SCFD2: variants seen among roughly 807,000 people sequenced by gnomAD.
The protein encoded by SCFD2 is sec1 family domain containing 2, also known as sec1 family domain-containing protein 2.
A neutral mutation model predicts 58.9 loss-of-function variants in SCFD2; 54 were observed. The ratio of observed to expected loss-of-function variants is 0.92; its 90% confidence interval spans 0.74 to 1.15. The LOEUF is 1.15. Ranked by LOEUF, SCFD2 falls within the 50% of genes most tolerant of loss-of-function variation. The pLI, the probability that SCFD2 is intolerant of heterozygous loss-of-function variation, is 0.00. For missense variants in SCFD2, 805 were observed against 836.6 expected (o/e 0.96, Z 0.47); for synonymous variants, 321 against 335.9 (o/e 0.96, Z 0.49).
intron 7 of SCFD2, among the ~76,000 whole-genome samples, chr4:52,900,671 C>A (rs1234702255): frequency 6.6e-6 from 1 of 152,216 alleles, no homozygotes; most frequent in Non-Finnish European, 1.5e-5. Context: ...TCAAAGCTGT[C>A]AGACAGGGAC....
At chr4:53,199,346 TGA>T (rs1484044843) in intron 4 of SCFD2, among the ~76,000 whole-genome samples, 1 of 152,114 alleles carries the variant, frequency 6.6e-6, no homozygotes, top group Non-Finnish European at 1.5e-5. Context: ...TCTGATCGAA[TGA>T]GAGGGGAGAT....
At chr4:53,359,282 A>T (rs6554095) in intron 1 of SCFD2, among the ~76,000 whole-genome samples, 123,661 of 152,130 alleles carry the variant, frequency 0.81, 50,410 homozygotes, top group Middle Eastern at 0.85. Context: ...TAGTAAATTA[A>T]CAAGGCTAGC....
chr4:53,068,091 A>G (rs1723714097), intron 5 of SCFD2, among the ~76,000 whole-genome samples: 1 of 152,078 alleles, frequency 6.6e-6, no homozygotes, highest in Non-Finnish European at 1.5e-5. Context: ...TAACATGTTA[A>G]CTGACATCAC....
chr4:53,138,499 T>A (rs1726009057), intron 5 of SCFD2, among the ~76,000 whole-genome samples: 1 of 152,232 alleles, frequency 6.6e-6, no homozygotes, highest in Admixed American at 6.5e-5. Flanking sequence ...GATACTCTCT[T>A]AGAACTTAGC....
chr4:53,144,320 ATGTGTGTATATATG>A (rs960981333), intron 5 of SCFD2, among the ~76,000 whole-genome samples: 20 of 151,120 alleles, frequency 1.3e-4, no homozygotes, highest in Admixed American at 1.3e-3. Context: ...TATGTAATAT[ATGTGTGTATATATG>A]TGTGTGTATA....
chr4:52,882,751 T>G (rs1219108765), intron 8 of SCFD2, among the ~76,000 whole-genome samples: 1 of 152,218 alleles, frequency 6.6e-6, no homozygotes, highest in Non-Finnish European at 1.5e-5. Flanking sequence ...GACGGCCTAT[T>G]GTGAGACCTC....
At chr4:52,882,071 G>A (rs1718625419) in intron 8 of SCFD2, among the ~76,000 whole-genome samples, 1 of 152,088 alleles carries the variant, frequency 6.6e-6, no homozygotes, top group South Asian at 2.1e-4. Context: ...TCCACACCAA[G>A]GTTTGGCTTT....
At chr4:53,124,276 A>G (rs562700359) in intron 5 of SCFD2, among the ~76,000 whole-genome samples, 2 of 152,326 alleles carry the variant, frequency 1.3e-5, no homozygotes, top group East Asian at 3.9e-4. Flanking sequence ...CCACTTATAT[A>G]GGCAAATTAA....
intron 4 of SCFD2, among the ~76,000 whole-genome samples, chr4:53,254,065 G>C (rs1224196800): frequency 6.6e-6 from 1 of 151,972 alleles, no homozygotes; most frequent in Non-Finnish European, 1.5e-5. Flanking sequence ...ACAAATAGAG[G>C]GGAACAACAC....
intron 4 of SCFD2, among the ~76,000 whole-genome samples, chr4:53,180,874 C>A (rs552341901): frequency 8.0e-4 from 122 of 152,310 alleles, no homozygotes; most frequent in African/African-American, 2.8e-3. Flanking sequence ...ACTATAAACA[C>A]CTCTACGCAA....
At chr4:52,923,813 C>T (rs566372828) in intron 5 of SCFD2, among the ~76,000 whole-genome samples, 23 of 152,350 alleles carry the variant, frequency 1.5e-4, no homozygotes, top group African/African-American at 4.3e-4. Context: ...TGGCATCACA[C>T]TTCAGTTGAA....
chr4:53,197,961 C>A (rs1728110450), intron 4 of SCFD2, among the ~76,000 whole-genome samples: 1 of 151,946 alleles, frequency 6.6e-6, no homozygotes, highest in Non-Finnish European at 1.5e-5. Flanking sequence ...TCTTGGCTGG[C>A]CTGCTAGGAA....
intron 4 of SCFD2, among the ~76,000 whole-genome samples, chr4:53,206,981 C>A (rs544260003): frequency 6.6e-6 from 1 of 152,042 alleles, no homozygotes; most frequent in African/African-American, 2.4e-5. Flanking sequence ...AGTCCAAGAG[C>A]ATGGTTCCAG....
At chr4:53,022,667 G>T (rs1164516423) in intron 5 of SCFD2, among the ~76,000 whole-genome samples, 1 of 152,152 alleles carries the variant, frequency 6.6e-6, no homozygotes, top group Admixed American at 6.6e-5. Context: ...CTAAAGAGGG[G>T]ATTAATTCCT....
At chr4:53,210,025 C>T (rs1000191104) in intron 4 of SCFD2, among the ~76,000 whole-genome samples, 1 of 152,082 alleles carries the variant, frequency 6.6e-6, no homozygotes, top group Non-Finnish European at 1.5e-5. Context: ...TGGCCCTTAT[C>T]ACCATGGATA....
At chr4:53,238,075 G>A (rs565692720) in intron 4 of SCFD2, among the ~76,000 whole-genome samples, 11 of 129,282 alleles carry the variant, frequency 8.5e-5, no homozygotes, top group East Asian at 2.5e-4. Flanking sequence ...CCTCCCTCCC[G>A]GATGGGGCGG....
chr4:53,265,369 T>C (rs1454608239), intron 4 of SCFD2: 2 of 152,204 alleles, frequency 1.3e-5, no homozygotes, highest in South Asian at 2.1e-4. Context: ...TGCCATTTTT[T>C]AAGACAAGTA....
intron 5 of SCFD2, among the ~76,000 whole-genome samples, chr4:52,968,541 T>C (rs946771575): frequency 8.5e-5 from 13 of 152,174 alleles, no homozygotes; most frequent in African/African-American, 2.9e-4. Flanking sequence ...GTAGCCGTGG[T>C]TGGCTGACAT....
At chr4:52,881,021 G>A (rs1307630529) in intron 8 of SCFD2, among the ~76,000 whole-genome samples, 1 of 152,234 alleles carries the variant, frequency 6.6e-6, no homozygotes, top group Non-Finnish European at 1.5e-5. Context: ...GATGGGGGAG[G>A]TTGCCCTCTT....
Sources: allele counts gnomAD v4.1 joint callset (sites outside exome capture counted in the v4.1 genomes callset), GRCh38; gene constraint gnomAD v4.1.1; transcripts MANE v1.5; gene names NCBI Gene and HGNC (gene_info 2026-07-23, HGNC 2026-07-21).